ASMTL: variants seen among roughly 807,000 people sequenced by gnomAD.
ASMTL encodes the protein probable bifunctional dTTP/UTP pyrophosphatase/methyltransferase protein.
In ASMTL, 57 loss-of-function variants were observed where a neutral mutation model predicts 60.3. The ratio of observed to expected loss-of-function variants is 0.95; its 90% CI spans 0.76 to 1.18. The LOEUF (loss-of-function observed/expected upper bound fraction) is 1.18. Ranked by LOEUF, ASMTL falls within the 50% of genes most tolerant of loss-of-function variation. The probability of loss-of-function intolerance (pLI) is 0.00; values close to 1 mark genes in which losing one functional copy is unlikely to be tolerated. For synonymous variants in ASMTL, 419 were observed against 373.0 expected, an observed-to-expected ratio of 1.12 and a Z score of -1.42; for missense variants, 981 against 852.6, an observed-to-expected ratio of 1.15 and a Z score of -1.88.
chrX:1,412,951 G>T, intron 11 of ASMTL, 97 bp from the exon 12 acceptor site: 1 of 1,371,934 alleles, frequency 7.3e-7, no homozygotes, highest in Non-Finnish European at 1.0e-6. Context: ...CTAAATCAGG[G>T]ACAGAGAAGA....
chrX:1,422,272 A>G (rs28498641), intron 8 of ASMTL, among the ~76,000 whole-genome samples: 101,214 of 151,536 alleles, frequency 0.67, 34,812 homozygotes, highest in South Asian at 0.87. Flanking sequence ...CAAAATGTGC[A>G]TTGGCCTCAT....
chrX:1,410,415 AC>A (rs1202107660), intron 12 of ASMTL, among the ~76,000 whole-genome samples: 1 of 151,042 alleles, frequency 6.6e-6, no homozygotes, highest in African/African-American at 2.4e-5. Flanking sequence ...TCCACAAAAA[AC>A]TTTTTTTTTT....
chrX:1,451,574 G>T (rs1291116784), intron 1 of ASMTL, among the ~76,000 whole-genome samples: 1 of 138,042 alleles, frequency 7.2e-6, no homozygotes, highest in Admixed American at 7.2e-5. Context: ...TTCCTAGGGG[G>T]TTCTGGGTCA....
intron 9 of ASMTL, among the ~76,000 whole-genome samples, chrX:1,421,006 C>G (rs1394731075): frequency 6.7e-6 from 1 of 148,892 alleles, no homozygotes; most frequent in East Asian, 2.0e-4. Context: ...GTCACCCAGG[C>G]TGGAGGGCAG....
chrX:1,432,348 A>G lies in ASMTL; in HGVS notation c.430T>C (p.Phe144Leu). The G allele has an allele frequency of 6.2e-7, 1 of 1,613,186 alleles. No individual in the cohort carries two copies. The highest frequency in any genetic ancestry group is 1.7e-5 in the Admixed American group (1 of 59,946). The change falls in exon 6 of 13, where the codon TTC becomes CTC. Residue 144 changes from phenylalanine (F) to leucine (L), a missense_variant. Coordinates refer to ENST00000381317, the MANE Select transcript of ASMTL (RefSeq NM_004192.4). ...AACTTCACCTTCGTTTCCTCGTAGA[A>G]TTCCGAGACCCTGGTGTCCAGCTGA... ...DHQLDTRVSE[F>L]YEETKVKFSE...
chrX:1,415,547 C>T (rs773672118), intron 11 of ASMTL, among the ~76,000 whole-genome samples: 3 of 151,624 alleles, frequency 2.0e-5, no homozygotes, highest in Non-Finnish European at 4.4e-5. Context: ...CTCACTGCAA[C>T]CTCCGCCTCC....
chrX:1,428,104 T>C lies in ASMTL; in HGVS notation c.527A>G (p.Tyr176Cys), dbSNP rs1486003745. The C allele has an allele frequency of 1.2e-6, 2 of 1,605,284 alleles. No individual in the cohort carries two copies. The highest frequency in any genetic ancestry group is 1.7e-5 in the Admixed American group (1 of 59,832). The change falls in exon 7 of 13, where the codon TAC becomes TGC. Residue 176 changes from tyrosine (Y) to cysteine (C), a missense_variant. Tyr to Cys is a radical substitution (Grantham distance 194, BLOSUM62 -2). Transcript: ENST00000381317. ...CATGCCGCCCAGGGCCTGGATCCCG[T>C]AGCCGCCAGCTTTGTCCCTGGGTGG... ...SGEPMDKAGG[Y>C]GIQALGGMLV...
At chrX:1,425,330 G>C (rs2090588478) in intron 8 of ASMTL, among the ~76,000 whole-genome samples, 195 bp downstream of exon 8, 1 of 152,260 alleles carries the variant, frequency 6.6e-6, no homozygotes, top group East Asian at 1.9e-4. Flanking sequence ...TCTCCTATGT[G>C]CTCGCGGCTG....
intron 12 of ASMTL, among the ~76,000 whole-genome samples, chrX:1,408,056 CAG>C (rs1260464057): frequency 2.6e-5 from 4 of 151,418 alleles, no homozygotes; most frequent in Non-Finnish European, 4.4e-5. Flanking sequence ...AAAACCCTAA[CAG>C]GGCATGATAA....
In ASMTL at chrX:1,425,618, C is replaced by T. The variant is rs2090594388; in HGVS notation, c.967G>A (p.Asp323Asn). 1 of 1,613,822 alleles carries T rather than the reference C, an allele frequency of 6.2e-7. No homozygotes were observed. The highest frequency in any genetic ancestry group is 8.5e-7 in the Non-Finnish European group (1 of 1,179,830). ...GAGGCGTCCACTTTGCTGGCAATAT[C>T]CGCAGCCTTCTGGGGTGCTTCATCT... ...LKDEAPQKAA[D>N]IASKVDASAC... The change falls in exon 8 of 13, where the codon GAT (aspartate) becomes AAT (asparagine). Residue 323 changes from aspartate to asparagine, a missense_variant. Asp to Asn is a conservative substitution (Grantham distance 23, BLOSUM62 1). Coordinates refer to ENST00000381317, the MANE Select transcript of ASMTL (RefSeq NM_004192.4).
intron 8 of ASMTL, among the ~76,000 whole-genome samples, chrX:1,423,597 CATCCACCCACCCATCTGCTG>C (rs377537352): frequency 0.041 from 6,221 of 151,206 alleles, 409 homozygotes; most frequent in African/African-American, 0.15. Flanking sequence ...CCCATCTAGT[CATCCACCCACCCATCTGCTG>C]ATCCACCCAT....
chrX:1,431,027 T>C (rs1177773120), intron 6 of ASMTL, among the ~76,000 whole-genome samples: 1 of 132,866 alleles, frequency 7.5e-6, no homozygotes, highest in Non-Finnish European at 1.5e-5. Context: ...AATATGCAGT[T>C]ACATATATTA....
At chrX:1,450,443 C>T (rs1456635700) in intron 1 of ASMTL, among the ~76,000 whole-genome samples, 6 of 147,590 alleles carry the variant, frequency 4.1e-5, no homozygotes, top group East Asian at 2.0e-4. Context: ...CCTAGGGGGT[C>T]CCGGGTTACT....
intron 5 of ASMTL, among the ~76,000 whole-genome samples, chrX:1,433,542 C>T (rs1342697122): frequency 2.1e-4 from 31 of 146,512 alleles, no homozygotes; most frequent in South Asian, 4.4e-4. Flanking sequence ...ATTAGCCGGG[C>T]GTGGTGGCGG....
rs1357749314 is a variant in ASMTL, at chrX:1,431,335, A to G, written c.509+934T>C. 3.0e-5 allele frequency among the ~76,000 whole-genome samples: 4 copies of G among 132,002 alleles called. No individual in the cohort carries two copies. In the Admixed American group the frequency reaches 3.4e-4, roughly 11 times the overall value. The allele number at this position is 132,002 out of a possible 152,430, so 86.6% of individuals were successfully genotyped here. ...TTATATATTTTATATATAATTATAA[A>G]TAATTATAAATATAAATTATATAAT... is the stretch of plus-strand genomic sequence containing the variant. On this transcript the variant is annotated intron_variant, in intron 6 of 12. Coordinates refer to ENST00000381317, the MANE Select transcript of ASMTL (RefSeq NM_004192.4).
chrX:1,427,364 A>G lies in ASMTL; in HGVS notation c.897+370T>C, dbSNP rs550116969. 3.9e-3 allele frequency among the ~76,000 whole-genome samples: 591 copies of G among 152,218 alleles called. 4 individuals carry two copies. The highest frequency in any genetic ancestry group is 0.014 in the African/African-American group (562 of 41,544). Reference sequence around the variant, plus strand: ...CTGTGAATGGGACCTTGTTTTAAAAAGGGGTCTTGGCAGATGTAATTAAGA... The same window carrying G: ...CTGTGAATGGGACCTTGTTTTAAAAGGGGGTCTTGGCAGATGTAATTAAGA... On this transcript the variant is annotated intron_variant, in intron 7 of 12. Coordinates refer to ENST00000381317, the MANE Select transcript of ASMTL (RefSeq NM_004192.4).
intron 5 of ASMTL, among the ~76,000 whole-genome samples, chrX:1,434,310 C>G (rs1260261844): frequency 1.3e-5 from 2 of 151,520 alleles, no homozygotes; most frequent in Non-Finnish European, 2.9e-5. Flanking sequence ...GGCAACATAG[C>G]AAGACCGCAC....
At chrX:1,432,596 G>A (rs753280428) in intron 5 of ASMTL, among the ~76,000 whole-genome samples, 3 of 152,340 alleles carry the variant, frequency 2.0e-5, no homozygotes, top group South Asian at 2.1e-4. Flanking sequence ...TTGGGAGGCC[G>A]AGGCGGGTGG....
intron 5 of ASMTL, among the ~76,000 whole-genome samples, chrX:1,433,651 G>A (rs1889959106): frequency 6.6e-6 from 1 of 151,758 alleles, no homozygotes; most frequent in South Asian, 2.1e-4. Flanking sequence ...GTGCACTCTA[G>A]CCTGGGCGAT....
Sources: gnomAD v4.1 joint callset for allele counts (sites outside exome capture counted in the v4.1 genomes callset) on GRCh38, gnomAD v4.1.1 for gene constraint, MANE v1.5 for transcripts, NCBI Gene and HGNC (gene_info 2026-07-23, HGNC 2026-07-21) for gene names.